The following NFATC1 variants were observed in gnomAD, a reference collection of about 807,000 sequenced individuals.
NFATC1 encodes the protein nuclear factor of activated T cells 1, also known as nuclear factor of activated T-cells, cytoplasmic 1.
NFATC1 carries 22 observed loss-of-function variants against 76.0 expected under a neutral mutation model. The observed-to-expected ratio is 0.29, with a 90% CI of 0.21 to 0.41. The LOEUF is 0.41. Ranked by LOEUF, NFATC1 falls within the 10% of genes least tolerant of loss-of-function variation. The pLI is 1.00. For synonymous variants in NFATC1, 704 were observed against 613.1 expected (o/e 1.15, Z -2.19); for missense variants, 1,357 against 1,337.7 (o/e 1.01, Z -0.23).
Position 79,410,371 on chromosome 18 carries a change from T to C in NFATC1, c.128-32T>C. 1 of 1,573,530 alleles carries C rather than the reference T, an allele frequency of 6.4e-7. No individual in the cohort carries two copies. The highest frequency in any genetic ancestry group is 1.2e-5 in the South Asian group (1 of 84,678). ...TTTCTGCTTTGTGATGCCCAGCCCC[T>C]CATGCTCCCATCTGCTTCTTTTTCT... On this transcript the variant is annotated intron_variant, in intron 1 of 9. Transcript: ENST00000427363. This position sits in a 1 kb window ranked among gnomAD's most constrained non-coding sequence, Gnocchi z 6.7.
At chr18:79,451,600 CCTG>C (rs2087476009) in intron 5 of NFATC1, 73 bp from the exon 6 acceptor site, 1 of 1,408,540 alleles carries the variant, frequency 7.1e-7, no homozygotes, top group South Asian at 1.7e-5. Flanking sequence ...TCACGTGTGA[CCTG>C]CTGGGTGCCA....
intron 6 of NFATC1, among the ~76,000 whole-genome samples, chr18:79,457,632 T>G (rs2280054): frequency 0.42 from 63,947 of 152,176 alleles, 15,593 homozygotes; most frequent in African/African-American, 0.69. Flanking sequence ...TGGCTTCACA[T>G]AATTATGCGG....
intron 1 of NFATC1, among the ~76,000 whole-genome samples, chr18:79,401,527 G>A (rs1198500305): frequency 6.6e-6 from 1 of 152,226 alleles, no homozygotes; most frequent in Non-Finnish European, 1.5e-5. Context: ...AGAGAGACCC[G>A]CCGGAGGCCC....
At chr18:79,409,965 G>T in intron 1 of NFATC1, 3 of 520,646 alleles carry the variant, frequency 5.8e-6, no homozygotes, top group South Asian at 4.3e-5. Context: ...GGGTTTAAAT[G>T]AAGATGGGGT....
intron 2 of NFATC1, among the ~76,000 whole-genome samples, chr18:79,418,398 C>T (rs1321585732): frequency 1.3e-5 from 2 of 152,208 alleles, no homozygotes; most frequent in African/African-American, 2.4e-5. Flanking sequence ...CAGACTCCAC[C>T]GGTGCTGGGA....
intron 8 of NFATC1, chr18:79,469,987 G>T: frequency 2.0e-6 from 2 of 985,502 alleles, no homozygotes; most frequent in Non-Finnish European, 2.4e-6. Flanking sequence ...CAGTGTGGTT[G>T]TTAAATAAAT....
intron 6 of NFATC1, among the ~76,000 whole-genome samples, chr18:79,460,760 G>A (rs997950036): frequency 9.2e-5 from 14 of 152,108 alleles, no homozygotes; most frequent in Non-Finnish European, 1.3e-4. Context: ...AGCAGGCGTC[G>A]CACCCTGGCG....
intron 4 of NFATC1, among the ~76,000 whole-genome samples, chr18:79,450,434 T>C (rs2087418718): frequency 6.7e-6 from 1 of 148,464 alleles, no homozygotes; most frequent in South Asian, 2.1e-4. Context: ...AAATATATAA[T>C]ATTTAACCTA....
intron 9 of NFATC1, among the ~76,000 whole-genome samples, chr18:79,491,135 TGTTTA>T (rs1448892319): frequency 1.3e-5 from 2 of 151,986 alleles, no homozygotes; most frequent in Non-Finnish European, 2.9e-5. Context: ...GGGTAGTCCT[TGTTTA>T]GTATTAATAT....
intron 6 of NFATC1, among the ~76,000 whole-genome samples, chr18:79,456,749 T>G (rs1408399839): frequency 6.6e-6 from 1 of 151,966 alleles, no homozygotes; most frequent in Non-Finnish European, 1.5e-5. Context: ...TGTGTTCTGT[T>G]TTAGTCGTGC....
chr18:79,400,507 GC>G, intron 1 of NFATC1: 1 of 1,397,534 alleles, frequency 7.2e-7, no homozygotes. Context: ...GGCGCGGGGG[GC>G]GCGGGGCCAG....
chr18:79,483,443 G>A (rs1170711620), intron 8 of NFATC1, among the ~76,000 whole-genome samples: 1 of 140,802 alleles, frequency 7.1e-6, no homozygotes, highest in African/African-American at 2.7e-5. Context: ...CCTGGTCCTG[G>A]GGTGTAAGTC....
intron 6 of NFATC1, among the ~76,000 whole-genome samples, chr18:79,453,112 G>T (rs891023708): frequency 6.6e-6 from 1 of 152,216 alleles, no homozygotes; most frequent in Non-Finnish European, 1.5e-5. Context: ...GTGCCTTCTC[G>T]GGAGGAGGCT....
intron 9 of NFATC1, among the ~76,000 whole-genome samples, chr18:79,521,775 G>T (rs2090590844): frequency 2.6e-5 from 1 of 38,528 alleles, no homozygotes; most frequent in Non-Finnish European, 4.7e-5. Flanking sequence ...TGTGTGTGTG[G>T]GGAGCATCCA....
chr18:79,444,789 G>A (rs891944192), intron 3 of NFATC1, among the ~76,000 whole-genome samples: 1 of 147,984 alleles, frequency 6.8e-6, no homozygotes, highest in Non-Finnish European at 1.5e-5. Context: ...AGGCACCCCC[G>A]TGGCCACACA....
At chr18:79,430,662 C>T (rs2086560020) in intron 2 of NFATC1, among the ~76,000 whole-genome samples, 1 of 152,238 alleles carries the variant, frequency 6.6e-6, no homozygotes, top group South Asian at 2.1e-4. Flanking sequence ...GGATTACAGG[C>T]ATGAGCCACC....
rs1275833472 is a variant in NFATC1, at chr18:79,400,291, C to CG, written c.127+3945dup. 9 of 1,212,578 alleles carry CG rather than the reference C, an allele frequency of 7.4e-6. No individual in the cohort carries two copies. In the African/African-American group the frequency reaches 1.5e-4, roughly 20 times the overall value. 75.1% of individuals were successfully genotyped at this position (1,212,578 alleles called of 1,614,324 possible). On this transcript the variant is annotated intron_variant, in intron 1 of 9. Transcript: ENST00000427363. The stretch of plus-strand genomic sequence containing the variant: ...GGCGGGGCGGGGACGGGGGGAGGGG[C>CG]GGGGGTCACGTTACGCGGAGGACGC...
At chr18:79,495,900 C>T (rs1019968362) in intron 9 of NFATC1, among the ~76,000 whole-genome samples, 1 of 151,962 alleles carries the variant, frequency 6.6e-6, no homozygotes, top group East Asian at 1.9e-4. Flanking sequence ...AAGCCGTGAA[C>T]AGTAGTAAGG....
intron 6 of NFATC1, chr18:79,452,050 G>A (rs1212137126): frequency 2.2e-5 from 10 of 447,828 alleles, no homozygotes; most frequent in South Asian, 2.1e-4. Flanking sequence ...TGGGGCCGCC[G>A]GGGCCACTGC....
Sources: allele counts gnomAD v4.1 joint callset (sites outside exome capture counted in the v4.1 genomes callset), GRCh38; gene constraint gnomAD v4.1.1; non-coding constraint Gnocchi (gnomAD v3.1); transcripts MANE v1.5; gene names NCBI Gene and HGNC (gene_info 2026-07-23, HGNC 2026-07-21).